The following NKAIN4 variants were observed in gnomAD, a reference collection of about 807,000 sequenced individuals.
NKAIN4 encodes the protein sodium/potassium-transporting ATPase subunit beta-1-interacting protein 4.
Under a neutral mutation model 28.8 loss-of-function variants are expected in NKAIN4, and 28 were observed. The observed-to-expected ratio is 0.97, with a 90% CI of 0.72 to 1.33. The LOEUF is 1.33. NKAIN4 is among the 40% of genes most tolerant of loss of function. NKAIN4 has a pLI of 0.00. For missense variants in NKAIN4, 289 were observed against 277.2 expected (o/e 1.04, Z -0.30); for synonymous variants, 122 against 115.6 (o/e 1.06, Z -0.36).
chr20:63,253,825 C>G (rs1014594573), intron 1 of NKAIN4, among the ~76,000 whole-genome samples: 1 of 130,204 alleles, frequency 7.7e-6, no homozygotes, highest in Non-Finnish European at 1.7e-5. Flanking sequence ...AGCTCCACGC[C>G]GGGCGGAATG....
At position 63,247,747 on chromosome 20, in the gene NKAIN4, G is replaced by A. The variant is rs1482984117; in HGVS notation, c.302C>T (p.Ser101Phe). Residue 101 changes from serine to phenylalanine, a missense_variant, in exon 4 of 7, where the codon TCC becomes TTC. Transcript: ENST00000370316. The part of the protein sequence containing the change: ...KDSELLTFSL[S>F]RHRSWWRERW... ...CTCACGCCACCAGGAGCGATGCCGG[G>A]AGAGGCTGAAGGTCAGTAGCTCGCT... 5.4e-6 allele frequency: 8 copies of A among 1,480,432 alleles called. No individual in the cohort carries two copies. In the Admixed American group the frequency reaches 1.4e-4, roughly 26 times the overall value. The allele number at this position is 1,480,432 out of a possible 1,614,324, so 91.7% of individuals were successfully genotyped here. A position where few individuals can be genotyped will look rare whatever the true frequency, so the allele number is the denominator to read the frequency against.
chr20:63,246,780 C>T, intron 4 of NKAIN4: 1 of 985,490 alleles, frequency 1.0e-6, no homozygotes, highest in Non-Finnish European at 1.2e-6. Flanking sequence ...ACCGAGCACC[C>T]TCCACACACC....
rs927610830 is a variant in NKAIN4, at chr20:63,247,568, C to T, written c.471+10G>A. The T allele has an allele frequency of 1.9e-5, 29 of 1,546,366 alleles. No homozygotes were observed. The highest frequency in any genetic ancestry group is 2.4e-5 in the Non-Finnish European group (28 of 1,144,596). On this transcript the variant is annotated intron_variant, in intron 4 of 6. Transcript: ENST00000370316. Reference sequence around the variant, plus strand: ...CATCCCCACCCGGGGGCCCCCTTCCCCACGCTCACCGCGATCAGGATCTGC... The same window carrying T: ...CATCCCCACCCGGGGGCCCCCTTCCTCACGCTCACCGCGATCAGGATCTGC...
At chr20:63,253,212 A>G in intron 1 of NKAIN4, 1 of 985,196 alleles carries the variant, frequency 1.0e-6, no homozygotes, top group South Asian at 4.7e-5. Context: ...TTGAGGAGCC[A>G]CTCACTGAAA....
At chr20:63,254,192 A>G (rs2067011740) in intron 1 of NKAIN4, 1 of 419,486 alleles carries the variant, frequency 2.4e-6, no homozygotes, top group East Asian at 4.4e-5. Context: ...CACACCGGGG[A>G]CGGGACCCGG....
At chr20:63,250,319 C>T (rs2066934314) in intron 1 of NKAIN4, among the ~76,000 whole-genome samples, 1 of 152,218 alleles carries the variant, frequency 6.6e-6, no homozygotes, top group Non-Finnish European at 1.5e-5. Context: ...CTGACAGGCC[C>T]CCTTGTGTCC....
At chr20:63,250,211 G>A in intron 1 of NKAIN4, 139 bp from the exon 2 acceptor site, 1 of 954,888 alleles carries the variant, frequency 1.0e-6, no homozygotes, top group South Asian at 1.7e-5. Context: ...TTTGACGAAG[G>A]ACACCAGGGC....
chr20:63,253,121 G>C, intron 1 of NKAIN4: 1 of 755,032 alleles, frequency 1.3e-6, no homozygotes, highest in Non-Finnish European at 1.6e-6. Flanking sequence ...GACGGGCACT[G>C]GAGTCTTCGA....
Position 63,242,555 on chromosome 20 carries a change from A to T in NKAIN4, c.601T>A (p.Ser201Thr). The change falls in exon 6 of 7, where the codon TCC becomes ACC. Residue 201 changes from serine to threonine, a missense_variant. Ser to Thr is a moderately conservative substitution (Grantham distance 58). Transcript: ENST00000370316. ...CATACTTACAAGTACACCTGCTTGG[A>T]CAAGAGACTGGATGGCTTTTCATTG... ...HVNEKPSSLL[S>T]KQVYLPA 1.9e-6 allele frequency: 3 copies of T among 1,612,864 alleles called. No individual in the cohort carries two copies. Among genetic ancestry groups the T allele is most frequent in the Non-Finnish European group, 2.5e-6 (3 of 1,178,992 alleles).
chr20:63,247,220 G>A (rs1461369852), intron 4 of NKAIN4: 3 of 1,196,158 alleles, frequency 2.5e-6, no homozygotes, highest in Non-Finnish European at 3.2e-6. Flanking sequence ...ACGCATGGAT[G>A]GGTTTGTCAG....
intron 1 of NKAIN4, among the ~76,000 whole-genome samples, chr20:63,251,361 G>C (rs2123125512): frequency 6.6e-6 from 1 of 152,304 alleles, no homozygotes; most frequent in South Asian, 2.1e-4. Context: ...CTGCGGGCGG[G>C]CCTGACTGAT....
In NKAIN4 at chr20:63,245,725, A is replaced by G. The variant is rs1339981839; in HGVS notation, c.472-1641T>C. On this transcript the variant is annotated intron_variant, in intron 4 of 6. Coordinates refer to ENST00000370316, the MANE Select transcript of NKAIN4 (RefSeq NM_152864.4). The surrounding 1 kb of genome is among the most constrained non-coding windows in gnomAD (Gnocchi z 4.7). ...CTCTCCCAGACCCTCCAAAGCAAACAGCAGGGGCGAGATCCTAGCGAGGAC... is the reference window on the plus strand; with the variant it reads ...CTCTCCCAGACCCTCCAAAGCAAACGGCAGGGGCGAGATCCTAGCGAGGAC... Among the ~76,000 whole-genome samples the G allele has an allele frequency of 6.6e-6, 1 of 152,094 alleles. No individual in the cohort carries two copies. Among genetic ancestry groups the G allele is most frequent in the African/African-American group, 2.4e-5 (1 of 41,394 alleles).
chr20:63,241,652 G>A (rs1422957492), intron 6 of NKAIN4, 146 bp from the exon 7 acceptor site: 2 of 749,966 alleles, frequency 2.7e-6, no homozygotes, highest in Non-Finnish European at 4.8e-6. Flanking sequence ...GGAGATGGGT[G>A]GGACTGAGGC....
At chr20:63,243,863 C>T (rs981644186) in intron 5 of NKAIN4, 161 bp downstream of exon 5, 8 of 614,750 alleles carry the variant, frequency 1.3e-5, no homozygotes, top group South Asian at 4.1e-5. Context: ...TGGTGTGTGG[C>T]GAGTCCTCGC....
rs2123050880 is a variant in NKAIN4 at position 63,242,597 on chromosome 20, A to G, written c.559T>C (p.Phe187Leu). 2 of 1,613,352 alleles carry G rather than the reference A, an allele frequency of 1.2e-6. No individual in the cohort carries two copies. The highest frequency in any genetic ancestry group is 1.3e-5 in the African/African-American group (1 of 75,040). Residue 187 changes from phenylalanine (F) to leucine (L), a missense_variant, in exon 6 of 7, where the codon TTT (phenylalanine) becomes CTT (leucine). Transcript: ENST00000370316. ...TTTTCATTGACATGGTAGAGAGGAA[A>G]TGGATCAAATCCACCAATGAAATCA... is the stretch of plus-strand genomic sequence containing the variant. ...SFDFIGGFDP[F>L]PLYHVNEKPS...
upstream of NKAIN4, chr20:63,254,620 T>G (rs1206735262): frequency 4.4e-6 from 2 of 451,672 alleles, no homozygotes; most frequent in Non-Finnish European, 7.0e-6. Flanking sequence ...CTGCGCTGCG[T>G]CTCCCCTCCC....
chr20:63,244,108 C>T (rs200603273), intron 4 of NKAIN4, 24 bp from the exon 5 acceptor site: 21 of 1,606,568 alleles, frequency 1.3e-5, no homozygotes, highest in South Asian at 1.0e-4. Flanking sequence ...CAGGCAGGGG[C>T]GTGAGTGCGG....
chr20:63,247,915 C>G (rs767666716), intron 3 of NKAIN4, 140 bp from the exon 4 acceptor site: 1 of 1,226,918 alleles, frequency 8.2e-7, no homozygotes, highest in Non-Finnish European at 1.1e-6. Context: ...CACTGCACCC[C>G]GCCCCCAGGG....
intron 3 of NKAIN4, 121 bp from the exon 4 acceptor site, chr20:63,247,896 C>T: frequency 7.6e-7 from 1 of 1,315,958 alleles, no homozygotes; most frequent in Non-Finnish European, 9.8e-7. Context: ...CTCACCTCCC[C>T]TGTCCTCCCA....
Sources: allele counts gnomAD v4.1 joint callset (sites outside exome capture counted in the v4.1 genomes callset), GRCh38; gene constraint gnomAD v4.1.1; non-coding constraint Gnocchi (gnomAD v3.1); transcripts MANE v1.5; gene names NCBI Gene and HGNC (gene_info 2026-07-23, HGNC 2026-07-21).